Variants in EMC1 observed in about 807,000 individuals in gnomAD.
The protein encoded by EMC1 is ER membrane protein complex subunit 1.
A neutral mutation model predicts 128.8 loss-of-function variants in EMC1; 103 were observed. The ratio of observed to expected loss-of-function variants is 0.80; its 90% CI spans 0.68 to 0.94. The LOEUF (loss-of-function observed/expected upper bound fraction) is 0.94, where lower values mean the gene tolerates loss of function less well. EMC1 is among the 40% of genes least tolerant of loss of function. The probability of loss-of-function intolerance (pLI) is 0.00; values close to 1 mark genes in which losing one functional copy is unlikely to be tolerated. For missense variants in EMC1, 1,083 were observed against 1,250.6 expected (o/e 0.87, Z 2.02); for synonymous variants, 442 against 490.4 (o/e 0.90, Z 1.30).
At position 19,217,894 on chromosome 1, in the gene EMC1, A is replaced by G. The variant is rs2093405181; in HGVS notation, c.*1409T>C. 6.6e-6 allele frequency: 1 copy of G among 152,226 alleles called. No homozygotes were observed. Among genetic ancestry groups the G allele is most frequent in the Non-Finnish European group, 1.5e-5 (1 of 68,034 alleles). 9.4% of individuals were successfully genotyped at this position (152,226 alleles called of 1,614,324 possible). ...TGTCATTTCCTCTTCCTTCTCTGCC[A>G]TAATCTACCATCAGCATATGACCAT... is the stretch of plus-strand genomic sequence containing the variant. On this transcript the variant is annotated 3_prime_UTR_variant, in exon 23 of 23. Coordinates refer to ENST00000477853, the MANE Select transcript of EMC1 (RefSeq NM_015047.3).
intron 9 of EMC1, among the ~76,000 whole-genome samples, 170 bp from the exon 10 acceptor site, chr1:19,239,027 T>G (rs1030340218): frequency 2.6e-5 from 4 of 152,094 alleles, no homozygotes; most frequent in Admixed American, 2.6e-4. Flanking sequence ...GAAAGTAAGG[T>G]CATCACATTA....
At chr1:19,234,039 C>T (rs2093544662) in intron 13 of EMC1, 1 of 225,206 alleles carries the variant, frequency 4.4e-6, no homozygotes, top group Admixed American at 6.5e-5. Context: ...CAGGACAACT[C>T]ACAAGCATGG....
chr1:19,233,606 T>C (rs1396719127), intron 13 of EMC1, among the ~76,000 whole-genome samples: 1 of 152,242 alleles, frequency 6.6e-6, no homozygotes, highest in Admixed American at 6.5e-5. Context: ...CTGTTTAACC[T>C]GCACCCAACA....
In EMC1 at chr1:19,219,671, T is replaced by A. The variant is rs140520413; in HGVS notation, c.2700A>T (p.Pro900=). The change falls in exon 22 of 23, where the codon CCA becomes CCT. Residue 900 remains proline, a synonymous_variant. Transcript: ENST00000477853. ...ATCGCTCTGCGTGTATCTGTACATC[T>A]GGAGAATACGGGATTAAGTTCTCCT... is the stretch of plus-strand genomic sequence containing the variant. ...SREENLIPYS[P]DVQIHAERFI... 1.9e-6 allele frequency: 3 copies of A among 1,613,988 alleles called. No homozygotes were observed. In the African/African-American group the frequency reaches 4.0e-5, roughly 22 times the overall value.
In EMC1 at chr1:19,219,619, G is replaced by C. The variant is rs139335524; in HGVS notation, c.2752C>G (p.Arg918Gly). 54 of 1,613,168 alleles carry C rather than the reference G, an allele frequency of 3.3e-5. No homozygotes were observed. The African/African-American group carries it at 7.0e-4, about 21-fold the overall frequency. The change falls in exon 22 of 23, where the codon CGA (arginine) becomes GGA (glycine). Residue 918 changes from arginine to glycine, a missense_variant. Physicochemically the swap from Arg to Gly is moderately radical, Grantham distance 125 (BLOSUM62 -2). Transcript: ENST00000477853. ...GGAGCTGTGTAGATACCTCGCATTC[G>C]AGAAACTGTCTGGTTATAGTTGATG... ...RFINYNQTVS[R>G]MRGIYTAPSG...
rs945243959 is a variant in EMC1 at position 19,218,004 on chromosome 1, T to G, written c.*1299A>C. 1 of 152,238 alleles carries G rather than the reference T, an allele frequency of 6.6e-6. No homozygotes were observed. The highest frequency in any genetic ancestry group is 2.4e-5 in the African/African-American group (1 of 41,460). 9.4% of individuals were successfully genotyped at this position (152,238 alleles called of 1,614,324 possible). The stretch of plus-strand genomic sequence containing the variant: ...CCTTACTAAAATAAAATACACTTAC[T>G]CCATGTCTTCACTGCTTTTATCCCC... On this transcript the variant is annotated 3_prime_UTR_variant, in exon 23 of 23. Transcript: ENST00000477853.
Position 19,238,081 on chromosome 1 carries a change from C to T in EMC1, c.1148G>A (p.Gly383Asp). ...TATCGTGGTGTCCAGCAGCCGCCGA[C>T]CTGTCTCCACGAGGTATAGGTTAAT... is the stretch of plus-strand genomic sequence containing the variant. Reference protein sequence around the residue: ...YTINLYLVETGRRLLDTTITF... With the variant: ...YTINLYLVETDRRLLDTTITF... The change falls in exon 11 of 23, where the codon GGT (glycine) becomes GAT (aspartate). Residue 383 changes from glycine (G) to aspartate (D), a missense_variant. Gly to Asp is a moderately conservative substitution (Grantham distance 94). This residue lies in a region of EMC1 where 544 missense variants were observed against 572.4 expected (regional missense o/e 0.95). Coordinates refer to ENST00000477853, the MANE Select transcript of EMC1 (RefSeq NM_015047.3). 1.2e-6 allele frequency: 2 copies of T among 1,614,170 alleles called. No homozygotes were observed. The highest frequency in any genetic ancestry group is 1.7e-6 in the Non-Finnish European group (2 of 1,180,032).
At chr1:19,249,328 C>T (rs2093646456) in intron 1 of EMC1, among the ~76,000 whole-genome samples, 1 of 152,168 alleles carries the variant, frequency 6.6e-6, no homozygotes. Flanking sequence ...ATGTTAAGTG[C>T]CCTATACCAG....
At chr1:19,236,827 T>A (rs1445231511) in intron 12 of EMC1, among the ~76,000 whole-genome samples, 1 of 143,692 alleles carries the variant, frequency 7.0e-6, no homozygotes, top group Non-Finnish European at 1.5e-5. Context: ...AATTAGCTGG[T>A]CGTGGTGGCA....
chr1:19,240,000 G>A lies in EMC1; in HGVS notation c.787-15C>T, dbSNP rs1168929288. On this transcript the variant is annotated splice_polypyrimidine_tract_variant and intron_variant, in intron 7 of 22. Transcript: ENST00000477853. ...AAGTCGAGAGACTGGAAGGCAAGAAGGAGGAGGATTATGGCTAACAGCTGA... is the reference window on the plus strand; with the variant it reads ...AAGTCGAGAGACTGGAAGGCAAGAAAGAGGAGGATTATGGCTAACAGCTGA... 6.8e-6 allele frequency: 11 copies of A among 1,606,014 alleles called. No homozygotes were observed. Among genetic ancestry groups the A allele is most frequent in the Admixed American group, 1.7e-5 (1 of 59,264 alleles).
At chr1:19,241,733 C>T (rs1340045963) in intron 5 of EMC1, among the ~76,000 whole-genome samples, 1 of 152,110 alleles carries the variant, frequency 6.6e-6, no homozygotes, top group African/African-American at 2.4e-5. Flanking sequence ...TCTTGAACTC[C>T]TGAGCTCAAG....
intron 1 of EMC1, among the ~76,000 whole-genome samples, chr1:19,246,904 G>A (rs77782802): frequency 0.01 from 1,526 of 152,132 alleles, 9 homozygotes; most frequent in South Asian, 0.019. Flanking sequence ...AGTATTTGAC[G>A]GCAAGGCCTT....
At chr1:19,238,668 T>C (rs1275863004) in intron 10 of EMC1, 127 bp downstream of exon 10, 1 of 682,178 alleles carries the variant, frequency 1.5e-6, no homozygotes, top group East Asian at 2.5e-5. Context: ...TAATTTACAG[T>C]ACTTAGGAAA....
chr1:19,225,527 G>A (rs1188099376), intron 18 of EMC1, among the ~76,000 whole-genome samples: 2 of 152,062 alleles, frequency 1.3e-5, no homozygotes, highest in Non-Finnish European at 2.9e-5. Flanking sequence ...CGCGCTTGTA[G>A]TCCCAGCTAC....
At chr1:19,220,271 C>T (rs1005692188) in intron 21 of EMC1, 3 of 158,710 alleles carry the variant, frequency 1.9e-5, no homozygotes, top group African/African-American at 2.4e-5. Context: ...TGGTCTGGCC[C>T]GAATTACCTC....
Position 19,244,896 on chromosome 1 carries a change from G to C in EMC1, c.220+10C>G. ...AGGCAGCCAGTAGACACAGTTCTCAGTTCACTCACAGATCTCCCCAGTTCG... is the reference window on the plus strand; with the variant it reads ...AGGCAGCCAGTAGACACAGTTCTCACTTCACTCACAGATCTCCCCAGTTCG... On this transcript the variant is annotated intron_variant, in intron 2 of 22. Transcript: ENST00000477853. 6.2e-7 allele frequency: 1 copy of C among 1,613,308 alleles called. No homozygotes were observed. The highest frequency in any genetic ancestry group is 8.5e-7 in the Non-Finnish European group (1 of 1,179,452).
chr1:19,240,983 C>T, intron 6 of EMC1, 33 bp downstream of exon 6: 1 of 1,610,676 alleles, frequency 6.2e-7, no homozygotes. Flanking sequence ...CCCAACCCCA[C>T]CTTATTCACA....
At chr1:19,248,665 G>GCCT (rs974663170) in intron 1 of EMC1, among the ~76,000 whole-genome samples, 18 of 151,960 alleles carry the variant, frequency 1.2e-4, no homozygotes, top group Non-Finnish European at 7.4e-5. Flanking sequence ...TGATCCACCC[G>GCCT]CCTCGGCCTC....
Position 19,245,146 on chromosome 1 carries a change from C to T in EMC1, c.96-116G>A, listed in dbSNP as rs933294797. On this transcript the variant is annotated intron_variant, in intron 1 of 22. Transcript: ENST00000477853. Reference sequence around the variant, plus strand: ...CACATTCATTTTAGGACACATAAGACGTGTTTGTTAGCTGGGCGCAGTGGC... The same window carrying T: ...CACATTCATTTTAGGACACATAAGATGTGTTTGTTAGCTGGGCGCAGTGGC... The T allele has an allele frequency of 4.7e-5, 57 of 1,214,368 alleles. No individual in the cohort carries two copies. In the African/African-American group the frequency reaches 7.6e-4, roughly 16 times the overall value. The allele number at this position is 1,214,368 out of a possible 1,614,324, so 75.2% of individuals were successfully genotyped here.
Sources: gnomAD v4.1 joint callset for allele counts (sites outside exome capture counted in the v4.1 genomes callset) on GRCh38, gnomAD v4.1.1 for gene constraint, gnomAD v4.1.1 regional missense constraint, MANE v1.5 for transcripts, NCBI Gene and HGNC (gene_info 2026-07-23, HGNC 2026-07-21) for gene names.